The following FGD5 variants were observed in gnomAD, a reference collection of about 807,000 sequenced individuals.
FGD5 encodes FYVE, RhoGEF and PH domain-containing protein 5.
In FGD5, 28 loss-of-function variants were observed where a neutral mutation model predicts 133.4. That is an observed-to-expected ratio of 0.21 (90% confidence interval 0.16 to 0.29). The LOEUF (loss-of-function observed/expected upper bound fraction) is 0.29. Among genes scored for constraint, FGD5 ranks in the 10% least tolerant of loss-of-function variants. The probability of loss-of-function intolerance (pLI) is 1.00; values close to 1 mark genes in which losing one functional copy is unlikely to be tolerated. For missense variants in FGD5, 1,858 were observed against 1,895.2 expected (o/e 0.98, Z 0.36); for synonymous variants, 810 against 776.5 (o/e 1.04, Z -0.72).
intron 1 of FGD5, among the ~76,000 whole-genome samples, chr3:14,851,835 T>C (rs2125094545): frequency 1.3e-5 from 2 of 152,128 alleles, no homozygotes; most frequent in Middle Eastern, 6.8e-3. Context: ...TTTGCTCAGG[T>C]TGGGAGGAGG....
At chr3:14,932,879 C>T (rs1056262476) in intron 19 of FGD5, 148 bp downstream of exon 19, 1 of 1,007,132 alleles carries the variant, frequency 9.9e-7, no homozygotes, top group East Asian at 2.4e-5. Context: ...ACTACCTGTT[C>T]TTTGTCACAA....
At position 14,836,867 on chromosome 3, in the gene FGD5, C is replaced by T. The variant is rs568912749; in HGVS notation, c.2525+15271C>T. 2.6e-4 allele frequency among the ~76,000 whole-genome samples: 40 copies of T among 152,302 alleles called. No homozygotes were observed. In the South Asian group the frequency reaches 3.3e-3, roughly 13 times the overall value. On this transcript the variant is annotated intron_variant, in intron 1 of 19. Transcript: ENST00000285046. ...GAAGAAGAGGCCTCCCTGAGGCACTCGCAGGGTTAACATGGACATTTGAGC... is the reference window on the plus strand; with the variant it reads ...GAAGAAGAGGCCTCCCTGAGGCACTTGCAGGGTTAACATGGACATTTGAGC...
At chr3:14,930,546 G>A (rs556287701) in intron 18 of FGD5, among the ~76,000 whole-genome samples, 1 of 151,500 alleles carries the variant, frequency 6.6e-6, no homozygotes, top group African/African-American at 2.4e-5. Context: ...GCAGTGAGCC[G>A]AGATCACACC....
chr3:14,843,429 G>A (rs1185413722), intron 1 of FGD5, among the ~76,000 whole-genome samples: 1 of 152,150 alleles, frequency 6.6e-6, no homozygotes, highest in African/African-American at 2.4e-5. Flanking sequence ...ATCAGGGGCT[G>A]GGCACCCCCT....
At chr3:14,901,099 G>C in intron 9 of FGD5, 38 bp downstream of exon 9, 1 of 1,611,098 alleles carries the variant, frequency 6.2e-7, no homozygotes, top group Non-Finnish European at 8.5e-7. Context: ...TCAGACACAG[G>C]TTCCAGGCAC....
chr3:14,862,656 T>C, intron 1 of FGD5, among the ~76,000 whole-genome samples: 1 of 152,144 alleles, frequency 6.6e-6, no homozygotes, highest in East Asian at 1.9e-4. Flanking sequence ...AGCAATGTTT[T>C]TGAAAAGGAA....
intron 6 of FGD5, 90 bp downstream of exon 6, chr3:14,898,185 G>T: frequency 6.5e-7 from 1 of 1,530,804 alleles, no homozygotes. Flanking sequence ...GGACATCTTG[G>T]TAGGTGTGGG....
intron 11 of FGD5, among the ~76,000 whole-genome samples, chr3:14,912,099 T>C (rs2038459895): frequency 1.3e-5 from 2 of 152,060 alleles, no homozygotes; most frequent in South Asian, 4.2e-4. Context: ...ACCCTTCTGC[T>C]CGTGAGTGGG....
intron 1 of FGD5, among the ~76,000 whole-genome samples, chr3:14,861,320 T>C (rs1338487456): frequency 1.3e-5 from 2 of 152,152 alleles, no homozygotes; most frequent in Non-Finnish European, 2.9e-5. Context: ...CTGCTGAGGC[T>C]TGGAGAGGTT....
chr3:14,878,967 A>T (rs2037775227), intron 2 of FGD5, among the ~76,000 whole-genome samples: 1 of 152,140 alleles, frequency 6.6e-6, no homozygotes, highest in South Asian at 2.1e-4. Flanking sequence ...TTAGCCTCCC[A>T]AAGTGCTGGG....
intron 11 of FGD5, among the ~76,000 whole-genome samples, chr3:14,916,314 T>G (rs983978676): frequency 6.6e-6 from 1 of 152,200 alleles, no homozygotes; most frequent in African/African-American, 2.4e-5. Context: ...GAGCGTGATG[T>G]CATCTTCTCA....
chr3:14,819,605 G>A lies in FGD5; in HGVS notation c.534G>A (p.Leu178=), dbSNP rs1206265680. 41 of 1,551,352 alleles carry A rather than the reference G, an allele frequency of 2.6e-5. No individual in the cohort carries two copies. In the East Asian group the frequency reaches 9.8e-4, roughly 37 times the overall value. ...KLVQPHRECS[L]EDSGPWAGEG... is the part of the protein sequence containing the mutation. Reference sequence around the variant, plus strand: ...TGCAGCCACACAGGGAGTGCAGCCTGGAGGACAGTGGGCCTTGGGCTGGAG... The same window carrying A: ...TGCAGCCACACAGGGAGTGCAGCCTAGAGGACAGTGGGCCTTGGGCTGGAG... The change falls in exon 1 of 20, where the codon CTG becomes CTA. Residue 178 remains leucine (L), a synonymous_variant. Coordinates refer to ENST00000285046, the MANE Select transcript of FGD5 (RefSeq NM_152536.4). The surrounding 1 kb of genome is among the most constrained non-coding windows in gnomAD (Gnocchi z 4.1).
At chr3:14,833,177 C>G (rs1180752763) in intron 1 of FGD5, among the ~76,000 whole-genome samples, 3 of 152,132 alleles carry the variant, frequency 2.0e-5, no homozygotes, top group African/African-American at 7.2e-5. Context: ...TGGTGTTTCC[C>G]TGTGTTGGAG....
At chr3:14,882,480 C>A in intron 4 of FGD5, 1 of 353,850 alleles carries the variant, frequency 2.8e-6, no homozygotes, top group Non-Finnish European at 4.0e-6. Flanking sequence ...GGCTGATCAT[C>A]TGAGATCAGG....
chr3:14,836,265 G>A (rs114854698), intron 1 of FGD5, among the ~76,000 whole-genome samples: 1,899 of 152,312 alleles, frequency 0.012, 42 homozygotes, highest in African/African-American at 0.043. Context: ...CTCCCCGCCC[G>A]GGAAGCTCCT....
chr3:14,849,758 G>T (rs1448508058), intron 1 of FGD5, among the ~76,000 whole-genome samples: 1 of 152,122 alleles, frequency 6.6e-6, no homozygotes, highest in Non-Finnish European at 1.5e-5. Context: ...TAGCCTCTGT[G>T]CACCTGTTTC....
intron 4 of FGD5, among the ~76,000 whole-genome samples, chr3:14,894,105 C>T (rs1428143822): frequency 6.6e-6 from 1 of 152,168 alleles, no homozygotes; most frequent in Non-Finnish European, 1.5e-5. Context: ...ATCATCCTCT[C>T]TTCATTGCCA....
At chr3:14,859,279 A>G (rs770155646) in intron 1 of FGD5, among the ~76,000 whole-genome samples, 68 of 152,268 alleles carry the variant, frequency 4.5e-4, no homozygotes, top group Non-Finnish European at 8.7e-4. Flanking sequence ...TTAGTTGGCC[A>G]GGCACAGTGG....
intron 19 of FGD5, among the ~76,000 whole-genome samples, 170 bp from the exon 20 acceptor site, chr3:14,932,961 C>A: frequency 6.6e-6 from 1 of 152,170 alleles, no homozygotes; most frequent in African/African-American, 2.4e-5. Flanking sequence ...GCCCTGTGTT[C>A]CAGGCCTTTT....
Sources: gnomAD v4.1 joint callset for allele counts (sites outside exome capture counted in the v4.1 genomes callset) on GRCh38, gnomAD v4.1.1 for gene constraint, Gnocchi (gnomAD v3.1) non-coding constraint, MANE v1.5 for transcripts, NCBI Gene and HGNC (gene_info 2026-07-23, HGNC 2026-07-21) for gene names.